AGBL1: variants seen among roughly 807,000 people sequenced by gnomAD.
AGBL1 encodes the protein AGBL carboxypeptidase 1.
AGBL1 carries 130 observed loss-of-function variants against 118.9 expected under a neutral mutation model. That is an observed-to-expected ratio of 1.09 (90% CI 0.95 to 1.26). AGBL1 has a LOEUF of 1.26. AGBL1 is among the 50% of genes most tolerant of loss of function. The pLI is 0.00. For missense variants in AGBL1, 1,584 were observed against 1,298.1 expected (o/e 1.22, Z -3.38); for synonymous variants, 555 against 478.9 (o/e 1.16, Z -2.08).
intron 21 of AGBL1, among the ~76,000 whole-genome samples, chr15:86,599,927 A>G (rs896080993): frequency 1.3e-5 from 2 of 152,132 alleles, no homozygotes; most frequent in Non-Finnish European, 2.9e-5. Flanking sequence ...GCTTCTAATA[A>G]TAAAAACCCC....
intron 23 of AGBL1, among the ~76,000 whole-genome samples, chr15:86,965,461 T>G (rs1367446218): frequency 6.6e-6 from 1 of 152,096 alleles, no homozygotes; most frequent in African/African-American, 2.4e-5. Flanking sequence ...TCATATCCTT[T>G]GCCCACTTTT....
intron 24 of AGBL1, among the ~76,000 whole-genome samples, chr15:87,002,886 A>C (rs550391073): frequency 4.9e-4 from 74 of 152,244 alleles, no homozygotes; most frequent in African/African-American, 1.7e-3. Context: ...GGGCTGAGAC[A>C]ATGGGGTTTT....
chr15:86,192,806 G>A (rs1377695413), intron 5 of AGBL1, among the ~76,000 whole-genome samples: 1 of 152,076 alleles, frequency 6.6e-6, no homozygotes, highest in Non-Finnish European at 1.5e-5. Context: ...ACACAATGCT[G>A]AAAATATAGG....
At chr15:86,270,502 C>T (rs776538995) in intron 14 of AGBL1, among the ~76,000 whole-genome samples, 1 of 152,078 alleles carries the variant, frequency 6.6e-6, no homozygotes, top group Non-Finnish European at 1.5e-5. Flanking sequence ...ATACCCGTGG[C>T]CATTTTGGAG....
At chr15:86,719,578 C>T (rs2086686765) in intron 22 of AGBL1, among the ~76,000 whole-genome samples, 1 of 152,126 alleles carries the variant, frequency 6.6e-6, no homozygotes, top group Non-Finnish European at 1.5e-5. Flanking sequence ...CACTAGGGGT[C>T]ATTCATTCAG....
intron 9 of AGBL1, 110 bp from the exon 10 acceptor site, chr15:86,262,668 G>A (rs934984161): frequency 3.2e-5 from 24 of 759,574 alleles, no homozygotes; most frequent in Admixed American, 2.4e-4. Context: ...TAATTTGGAG[G>A]CAAGAAAACC....
intron 21 of AGBL1, among the ~76,000 whole-genome samples, chr15:86,569,258 C>A (rs1760676748): frequency 7.7e-6 from 1 of 130,162 alleles, no homozygotes; most frequent in Non-Finnish European, 1.7e-5. Context: ...ATAGGCAGAC[C>A]CATCTCTACA....
At chr15:86,481,788 G>A (rs1479417525) in intron 18 of AGBL1, among the ~76,000 whole-genome samples, 6 of 152,004 alleles carry the variant, frequency 3.9e-5, no homozygotes, top group Non-Finnish European at 7.4e-5. Context: ...CAGAACTTTG[G>A]CGGTCACCTG....
intron 22 of AGBL1, among the ~76,000 whole-genome samples, chr15:86,723,097 A>G (rs112036419): frequency 5.3e-4 from 80 of 152,328 alleles, no homozygotes; most frequent in African/African-American, 1.8e-3. Flanking sequence ...TCAGTGTGGC[A>G]ATTCCTCAAG....
intron 18 of AGBL1, among the ~76,000 whole-genome samples, chr15:86,495,701 C>T (rs1216312203): frequency 6.6e-6 from 1 of 151,800 alleles, no homozygotes; most frequent in African/African-American, 2.4e-5. Context: ...TGTAGTGAGT[C>T]TTATTTTTGA....
At chr15:86,231,871 T>A (rs1597594812) in intron 6 of AGBL1, among the ~76,000 whole-genome samples, 1 of 152,220 alleles carries the variant, frequency 6.6e-6, no homozygotes. Flanking sequence ...ACTGTCTAAG[T>A]ATTAGAAGGA....
chr15:86,898,731 G>A (rs185816663), intron 22 of AGBL1, among the ~76,000 whole-genome samples: 6 of 152,042 alleles, frequency 3.9e-5, no homozygotes, highest in South Asian at 2.1e-4. Flanking sequence ...GGCAAAGGAC[G>A]TGAACAGATA....
intron 17 of AGBL1, among the ~76,000 whole-genome samples, chr15:86,380,054 C>T (rs1161727376): frequency 6.6e-6 from 1 of 152,132 alleles, no homozygotes; most frequent in Non-Finnish European, 1.5e-5. Context: ...TTGTTTTAAA[C>T]CAAGGCACTA....
At chr15:86,101,185 T>C (rs2141498283) in intron 1 of AGBL1, among the ~76,000 whole-genome samples, 1 of 152,294 alleles carries the variant, frequency 6.6e-6, no homozygotes, top group South Asian at 2.1e-4. Flanking sequence ...GTTCGTTTGT[T>C]ATTGATTTTT....
At chr15:86,228,838 C>T (rs2078409066) in intron 6 of AGBL1, among the ~76,000 whole-genome samples, 1 of 152,180 alleles carries the variant, frequency 6.6e-6, no homozygotes. Context: ...CAAAATAAAC[C>T]TGGAAATCCT....
At position 86,727,999 on chromosome 15, in the gene AGBL1, C is replaced by T. The variant is rs573109864; in HGVS notation, c.3158+53563C>T. 5.3e-5 allele frequency among the ~76,000 whole-genome samples: 8 copies of T among 152,270 alleles called. No homozygotes were observed. The South Asian group carries it at 1.7e-3, about 32-fold the overall frequency. Reference sequence around the variant, plus strand: ...TGCAATAGGCAAGTTCCTTGATCTCCCTTTATGCAAATGATATACAGGGAA... The same window carrying T: ...TGCAATAGGCAAGTTCCTTGATCTCTCTTTATGCAAATGATATACAGGGAA... On this transcript the variant is annotated intron_variant, in intron 22 of 22. Coordinates refer to ENST00000614907, the MANE Select transcript of AGBL1 (RefSeq NM_001386094.1).
At chr15:86,396,387 C>T (rs989683678) in intron 17 of AGBL1, among the ~76,000 whole-genome samples, 6 of 151,908 alleles carry the variant, frequency 3.9e-5, no homozygotes, top group Non-Finnish European at 5.9e-5. Flanking sequence ...GAAGACATTC[C>T]TATCTTTCCC....
At chr15:86,690,211 A>G (rs928640607) in intron 22 of AGBL1, among the ~76,000 whole-genome samples, 1 of 152,150 alleles carries the variant, frequency 6.6e-6, no homozygotes, top group African/African-American at 2.4e-5. Context: ...TAATGAAATT[A>G]AAGTCTTGCT....
At chr15:86,811,082 T>C (rs904302511) in intron 22 of AGBL1, among the ~76,000 whole-genome samples, 9 of 152,218 alleles carry the variant, frequency 5.9e-5, no homozygotes, top group African/African-American at 2.4e-5. Context: ...ATGTGGATCA[T>C]TCTTGCCCCA....
Sources: gnomAD v4.1 joint callset for allele counts (sites outside exome capture counted in the v4.1 genomes callset) on GRCh38, gnomAD v4.1.1 for gene constraint, MANE v1.5 for transcripts, NCBI Gene and HGNC (gene_info 2026-07-23, HGNC 2026-07-21) for gene names.